SETBP1: variants seen among roughly 807,000 people sequenced by gnomAD.
SETBP1 encodes SET binding protein 1.
SETBP1 carries 9 observed loss-of-function variants against 101.0 expected under a neutral mutation model. The observed-to-expected ratio is 0.09, with a 90% CI of 0.05 to 0.16. SETBP1 has a LOEUF of 0.16. SETBP1 is among the 10% of genes least tolerant of loss of function. The pLI is 1.00. For missense variants in SETBP1, 1,858 were observed against 2,033.8 expected (o/e 0.91, Z 1.66); for synonymous variants, 818 against 788.5 (o/e 1.04, Z -0.63).
intron 3 of SETBP1, among the ~76,000 whole-genome samples, chr18:44,923,623 T>G (rs1025428094): frequency 1.3e-5 from 2 of 152,232 alleles, no homozygotes; most frequent in African/African-American, 4.8e-5. Flanking sequence ...GGGGAAAAAT[T>G]AAGTAGAATT....
At chr18:44,767,660 A>G (rs969446023) in intron 2 of SETBP1, among the ~76,000 whole-genome samples, 7 of 152,250 alleles carry the variant, frequency 4.6e-5, no homozygotes, top group Non-Finnish European at 1.0e-4. Flanking sequence ...AACATAGGCC[A>G]CCACCATCCC....
intron 3 of SETBP1, among the ~76,000 whole-genome samples, chr18:44,923,415 A>C (rs2070626729): frequency 6.6e-6 from 1 of 152,208 alleles, no homozygotes; most frequent in African/African-American, 2.4e-5. Context: ...TCACCCAGAG[A>C]TCTAACATTG....
intron 2 of SETBP1, among the ~76,000 whole-genome samples, chr18:44,772,970 T>A (rs993005995): frequency 2.0e-5 from 3 of 152,206 alleles, no homozygotes; most frequent in Admixed American, 6.5e-5. Flanking sequence ...TGCCTTTTTG[T>A]ATAGAAATAT....
At chr18:45,044,067 A>T (rs1230830528) in intron 5 of SETBP1, among the ~76,000 whole-genome samples, 2 of 152,170 alleles carry the variant, frequency 1.3e-5, no homozygotes, top group African/African-American at 4.8e-5. Context: ...TTGAATGATG[A>T]CCTGGAGCCC....
At chr18:44,744,794 A>AC (rs1555675778) in intron 2 of SETBP1, among the ~76,000 whole-genome samples, 2 of 150,774 alleles carry the variant, frequency 1.3e-5, no homozygotes, top group Non-Finnish European at 3.0e-5. Flanking sequence ...AAAAAAAAAA[A>AC]CGCTTTCTTC....
chr18:44,830,293 A>G (rs1411005512), intron 2 of SETBP1, among the ~76,000 whole-genome samples: 2 of 152,220 alleles, frequency 1.3e-5, no homozygotes, highest in Non-Finnish European at 1.5e-5. Context: ...TTTACTGAAC[A>G]CAGTCTCTTT....
intron 2 of SETBP1, among the ~76,000 whole-genome samples, chr18:44,715,973 T>C (rs1195204152): frequency 6.6e-6 from 1 of 152,212 alleles, no homozygotes; most frequent in Non-Finnish European, 1.5e-5. Flanking sequence ...ATCTGTATCC[T>C]GGTGGCAGTT....
chr18:44,976,215 G>A (rs1390307300), intron 4 of SETBP1, among the ~76,000 whole-genome samples: 2 of 152,092 alleles, frequency 1.3e-5, no homozygotes, highest in East Asian at 1.9e-4. Flanking sequence ...GGAAGCAGGC[G>A]GCAGGTGCTG....
chr18:45,038,248 G>T (rs2073438118), intron 4 of SETBP1, among the ~76,000 whole-genome samples: 1 of 152,160 alleles, frequency 6.6e-6, no homozygotes, highest in African/African-American at 2.4e-5. Flanking sequence ...CCTATGCTGT[G>T]ACCCCACCAC....
intron 4 of SETBP1, among the ~76,000 whole-genome samples, chr18:44,999,837 T>C (rs2072579963): frequency 1.3e-5 from 2 of 152,210 alleles, no homozygotes; most frequent in African/African-American, 4.8e-5. Context: ...ATGAAACTAA[T>C]AAGATAATAG....
chr18:45,053,939 A>G (rs1175272231), intron 5 of SETBP1, among the ~76,000 whole-genome samples: 5 of 152,184 alleles, frequency 3.3e-5, no homozygotes, highest in African/African-American at 1.2e-4. Context: ...AGAGGGTGCA[A>G]CCACCCCCAC....
intron 3 of SETBP1, among the ~76,000 whole-genome samples, chr18:44,930,508 A>G (rs560409603): frequency 6.6e-6 from 1 of 152,330 alleles, no homozygotes; most frequent in African/African-American, 2.4e-5. Flanking sequence ...TTCAGAAGGA[A>G]TGGTACCAGT....
At chr18:44,886,754 TTTATTATTATTATTA>T (rs4024294) in intron 3 of SETBP1, among the ~76,000 whole-genome samples, 11 of 143,090 alleles carry the variant, frequency 7.7e-5, no homozygotes, top group South Asian at 2.3e-4. Flanking sequence ...GACTGTACAT[TTTATTATTATTATTA>T]TTATTATTAT....
chr18:44,745,573 T>A (rs547909765), intron 2 of SETBP1, among the ~76,000 whole-genome samples: 10 of 152,258 alleles, frequency 6.6e-5, no homozygotes, highest in African/African-American at 1.2e-4. Context: ...GAAAAGAGAG[T>A]GTCCTATTAC....
At chr18:44,882,204 A>G (rs1205420714) in intron 3 of SETBP1, among the ~76,000 whole-genome samples, 1 of 152,096 alleles carries the variant, frequency 6.6e-6, no homozygotes, top group Non-Finnish European at 1.5e-5. Flanking sequence ...AGAAACATTC[A>G]TTTTTTGTTT....
chr18:44,816,458 G>A (rs78887320), intron 2 of SETBP1, among the ~76,000 whole-genome samples: 2 of 152,168 alleles, frequency 1.3e-5, no homozygotes, highest in Non-Finnish European at 2.9e-5. Context: ...TTTGGGGCGG[G>A]GTTGGCCAGA....
chr18:44,893,278 G>C (rs945969977), intron 3 of SETBP1, among the ~76,000 whole-genome samples: 1 of 152,170 alleles, frequency 6.6e-6, no homozygotes. Flanking sequence ...CTAAAGGCCA[G>C]TCATTAGAAC....
At chr18:44,748,626 C>T (rs1023205184) in intron 2 of SETBP1, among the ~76,000 whole-genome samples, 2 of 152,270 alleles carry the variant, frequency 1.3e-5, no homozygotes, top group African/African-American at 2.4e-5. Flanking sequence ...GAGGGTTGTG[C>T]GTGTGCAGGC....
At chr18:44,954,511 A>G (rs1476985690) in intron 4 of SETBP1, among the ~76,000 whole-genome samples, 2 of 152,112 alleles carry the variant, frequency 1.3e-5, no homozygotes, top group African/African-American at 4.8e-5. Flanking sequence ...CAGGGAGCCC[A>G]TATTTCCTGA....
Sources: gnomAD v4.1 joint callset for allele counts (sites outside exome capture counted in the v4.1 genomes callset) on GRCh38, gnomAD v4.1.1 for gene constraint, MANE v1.5 for transcripts, NCBI Gene and HGNC (gene_info 2026-07-23, HGNC 2026-07-21) for gene names.